FHOD3: variants seen among roughly 807,000 people sequenced by gnomAD.
FHOD3 encodes FH1/FH2 domain-containing protein 3.
FHOD3 carries 90 observed loss-of-function variants against 173.0 expected under a neutral mutation model. That is an observed-to-expected ratio of 0.52 (90% confidence interval 0.44 to 0.62). FHOD3 has a LOEUF of 0.62. Among genes scored for constraint, FHOD3 ranks in the 20% least tolerant of loss-of-function variants. The pLI, the probability that FHOD3 is intolerant of heterozygous loss-of-function variation, is 0.00. For missense variants in FHOD3, 1,945 were observed against 2,034.7 expected (o/e 0.96, Z 0.85); for synonymous variants, 828 against 823.0 (o/e 1.01, Z -0.10).
chr18:36,351,748 A>G (rs992223711), intron 1 of FHOD3, among the ~76,000 whole-genome samples: 1 of 152,214 alleles, frequency 6.6e-6, no homozygotes, highest in Non-Finnish European at 1.5e-5. Context: ...GCCTTGAGGC[A>G]GATACCTGGC....
At chr18:36,305,947 G>A (rs1285607075) in intron 1 of FHOD3, among the ~76,000 whole-genome samples, 2 of 152,230 alleles carry the variant, frequency 1.3e-5, no homozygotes, top group Non-Finnish European at 2.9e-5. Context: ...AAATGAGCAT[G>A]TGGTGACATT....
At chr18:36,710,793 A>T (rs2040130491) in intron 18 of FHOD3, 1 of 152,198 alleles carries the variant, frequency 6.6e-6, no homozygotes, top group South Asian at 2.1e-4. Flanking sequence ...TCTTCTTATC[A>T]TTCATATTAA....
At chr18:36,337,119 C>T (rs532028931) in intron 1 of FHOD3, among the ~76,000 whole-genome samples, 2 of 148,976 alleles carry the variant, frequency 1.3e-5, no homozygotes, top group African/African-American at 5.0e-5. Context: ...TTGCAGTGAG[C>T]TGAGATTGTG....
intron 10 of FHOD3, among the ~76,000 whole-genome samples, chr18:36,626,712 C>T (rs2034137345): frequency 6.6e-6 from 1 of 152,154 alleles, no homozygotes; most frequent in South Asian, 2.1e-4. Context: ...AGAGATCCTC[C>T]TGGGAGTCAA....
chr18:36,640,365 T>A (rs993731015), intron 10 of FHOD3, among the ~76,000 whole-genome samples: 1 of 152,200 alleles, frequency 6.6e-6, no homozygotes, highest in African/African-American at 2.4e-5. Context: ...CAGATATTTG[T>A]CTTAACTGAT....
chr18:36,668,721 T>A (rs964356950), intron 14 of FHOD3, among the ~76,000 whole-genome samples: 5 of 152,076 alleles, frequency 3.3e-5, no homozygotes, highest in African/African-American at 1.2e-4. Flanking sequence ...CTCTGTCAAT[T>A]TTTAAAAAGT....
At chr18:36,649,602 T>G (rs1291112029) in intron 11 of FHOD3, among the ~76,000 whole-genome samples, 197 bp downstream of exon 11, 1 of 152,194 alleles carries the variant, frequency 6.6e-6, no homozygotes, top group Non-Finnish European at 1.5e-5. Flanking sequence ...AGAACTGCAC[T>G]TTTTATTGAA....
chr18:36,540,451 G>A (rs577303258), intron 5 of FHOD3, among the ~76,000 whole-genome samples: 1 of 152,284 alleles, frequency 6.6e-6, no homozygotes, highest in East Asian at 1.9e-4. Context: ...CAGTTTGGAG[G>A]TGCAGTTGGG....
chr18:36,496,312 A>G (rs1169678376), intron 3 of FHOD3, among the ~76,000 whole-genome samples: 3 of 152,186 alleles, frequency 2.0e-5, no homozygotes, highest in Non-Finnish European at 4.4e-5. Context: ...TGGTTTGGGC[A>G]TGATGTCTGA....
chr18:36,325,538 A>AAGC (rs1471398312), intron 1 of FHOD3, among the ~76,000 whole-genome samples: 1 of 152,188 alleles, frequency 6.6e-6, no homozygotes, highest in East Asian at 1.9e-4. Context: ...GAGGACCAGG[A>AAGC]AGCAGCAGAA....
chr18:36,778,166 A>G (rs543462705), intron 28 of FHOD3: 1 of 152,322 alleles, frequency 6.6e-6, no homozygotes, highest in African/African-American at 2.4e-5. Flanking sequence ...GTGAGCTTAT[A>G]TTTAGGGGAT....
At chr18:36,546,861 A>C (rs183177069) in intron 5 of FHOD3, among the ~76,000 whole-genome samples, 428 of 152,300 alleles carry the variant, frequency 2.8e-3, no homozygotes, top group African/African-American at 9.6e-3. Context: ...ACGGTCTCCT[A>C]TGTTGACTCC....
chr18:36,775,685 C>A (rs1237162583), intron 28 of FHOD3, among the ~76,000 whole-genome samples: 1 of 152,132 alleles, frequency 6.6e-6, no homozygotes, highest in Admixed American at 6.5e-5. Context: ...GTTTTCATTT[C>A]TAGGGAGGAA....
chr18:36,546,110 T>G (rs1470853309), intron 5 of FHOD3, among the ~76,000 whole-genome samples: 1 of 152,202 alleles, frequency 6.6e-6, no homozygotes. Flanking sequence ...GGAACCCCTT[T>G]TTCATAGGTG....
intron 28 of FHOD3, among the ~76,000 whole-genome samples, chr18:36,775,055 C>T (rs1023495158): frequency 1.3e-5 from 2 of 152,074 alleles, no homozygotes; most frequent in African/African-American, 2.4e-5. Context: ...ACAAGGAGGG[C>T]GTGAATGGAC....
chr18:36,575,939 C>G (rs765134066), intron 5 of FHOD3, among the ~76,000 whole-genome samples: 13 of 152,162 alleles, frequency 8.5e-5, no homozygotes, highest in Non-Finnish European at 1.8e-4. Flanking sequence ...AAGGGAATTA[C>G]TCATAATATT....
At chr18:36,341,593 A>C (rs966577599) in intron 1 of FHOD3, among the ~76,000 whole-genome samples, 3 of 152,180 alleles carry the variant, frequency 2.0e-5, no homozygotes, top group African/African-American at 7.2e-5. Flanking sequence ...GGGAGAAAAA[A>C]ATGGAGATGG....
chr18:36,426,289 G>A (rs1168600632), intron 3 of FHOD3, among the ~76,000 whole-genome samples: 1 of 152,156 alleles, frequency 6.6e-6, no homozygotes, highest in Non-Finnish European at 1.5e-5. Context: ...AGGAAACTGG[G>A]GCACAGATAG....
intron 14 of FHOD3, among the ~76,000 whole-genome samples, chr18:36,679,374 T>G (rs1373004944): frequency 6.6e-6 from 1 of 151,564 alleles, no homozygotes; most frequent in East Asian, 1.9e-4. Flanking sequence ...TTGATTTTTG[T>G]CTATACACCT....
Sources: gnomAD v4.1 joint callset for allele counts (sites outside exome capture counted in the v4.1 genomes callset) on GRCh38, gnomAD v4.1.1 for gene constraint, MANE v1.5 for transcripts, NCBI Gene and HGNC (gene_info 2026-07-23, HGNC 2026-07-21) for gene names.